Variants in NAV1 observed in about 807,000 individuals in gnomAD.
NAV1 encodes pore membrane and/or filament interacting like protein 3.
In NAV1, 18 loss-of-function variants were observed where a neutral mutation model predicts 175.2. The observed-to-expected ratio is 0.10, with a 90% CI of 0.07 to 0.15. The LOEUF is 0.15. Ranked by LOEUF, NAV1 falls within the 10% of genes least tolerant of loss-of-function variation. The pLI is 1.00. For synonymous variants in NAV1, 897 were observed against 978.7 expected, an observed-to-expected ratio of 0.92 and a Z score of 1.56; for missense variants, 1,731 against 2,436.6, an observed-to-expected ratio of 0.71 and a Z score of 6.10.
In NAV1 at chr1:201,782,911, T is replaced by C; in HGVS notation, c.2357+42T>C. The C allele has an allele frequency of 2.7e-6, 4 of 1,509,124 alleles. No homozygotes were observed. Among genetic ancestry groups the C allele is most frequent in the Non-Finnish European group, 3.6e-6 (4 of 1,121,108 alleles). 93.5% of individuals were successfully genotyped at this position (1,509,124 alleles called of 1,614,324 possible). A position where few individuals can be genotyped will look rare whatever the true frequency, so the allele number is the denominator to read the frequency against. On this transcript the variant is annotated intron_variant, in intron 6 of 29. Coordinates refer to ENST00000367296, the Ensembl canonical transcript of NAV1. This position sits in a 1 kb window ranked among gnomAD's most constrained non-coding sequence, Gnocchi z 5.4. ...GCCGCCTCCTTGTCTGTTTGCTTTG[T>C]CATTCTTTCGCATATCTCTGCCCTC... is the stretch of plus-strand genomic sequence containing the variant.
At chr1:201,649,367 C>T in exon 1 of NAV1, 1 of 1,606,826 alleles carries the variant, frequency 6.2e-7, no homozygotes, top group Non-Finnish European at 8.5e-7. Context: ...AGGTGGACCC[C>T]GAGCTGGTGG....
intron 1 of NAV1, among the ~76,000 whole-genome samples, chr1:201,554,993 G>T (rs766751462): frequency 6.6e-6 from 1 of 152,050 alleles, no homozygotes; most frequent in Admixed American, 6.6e-5. Context: ...TGCCTTCACC[G>T]CTGCATGGCC....
At position 201,542,211 on chromosome 1, in the gene NAV1, A is replaced by G. The variant is rs115886339; in HGVS notation, c.-144+2869A>G. ...CATTCCCTTTCAGCAAATCACTGGG[A>G]ATTTTTATCTTCCTAGCGTTTCCAT... On this transcript the variant is annotated intron_variant, in intron 1 of 33. Transcript: ENST00000685211. 2.0e-3 allele frequency among the ~76,000 whole-genome samples: 300 copies of G among 152,252 alleles called. 1 individual carries two copies. Among genetic ancestry groups the G allele is most frequent in the African/African-American group, 6.5e-3 (272 of 41,548 alleles).
chr1:201,672,581 G>A (rs1670083826), intron 1 of NAV1, among the ~76,000 whole-genome samples: 1 of 152,142 alleles, frequency 6.6e-6, no homozygotes, highest in Non-Finnish European at 1.5e-5. Context: ...CATTTTATGG[G>A]CCAGGAACCT....
chr1:201,785,966 T>C (rs1676717372), intron 8 of NAV1, among the ~76,000 whole-genome samples: 1 of 152,000 alleles, frequency 6.6e-6, no homozygotes, highest in Non-Finnish European at 1.5e-5. Flanking sequence ...CTAAATTTTG[T>C]ATTTTTAGTA....
At chr1:201,577,688 C>G (rs889808379) in intron 1 of NAV1, among the ~76,000 whole-genome samples, 5 of 152,124 alleles carry the variant, frequency 3.3e-5, no homozygotes, top group Admixed American at 6.6e-5. Flanking sequence ...CTTCTGGCAA[C>G]AAAGTCTCTT....
intron 1 of NAV1, among the ~76,000 whole-genome samples, chr1:201,654,235 C>T (rs569444247): frequency 6.6e-6 from 1 of 152,318 alleles, no homozygotes; most frequent in African/African-American, 2.4e-5. Flanking sequence ...ACTGATGGCT[C>T]TAACCCCAGG....
intron 1 of NAV1, among the ~76,000 whole-genome samples, chr1:201,658,509 T>C (rs143796205): frequency 2.0e-5 from 3 of 152,078 alleles, no homozygotes; most frequent in Non-Finnish European, 4.4e-5. Context: ...ACTGTGGGCT[T>C]AATGGCAGGT....
At chr1:201,707,292 A>G (rs1036956731) in intron 1 of NAV1, among the ~76,000 whole-genome samples, 1 of 152,164 alleles carries the variant, frequency 6.6e-6, no homozygotes, top group African/African-American at 2.4e-5. Flanking sequence ...CCGAGGGTGC[A>G]CCCGTTGTTC....
chr1:201,695,326 T>A (rs1671145366), intron 1 of NAV1, among the ~76,000 whole-genome samples: 1 of 152,176 alleles, frequency 6.6e-6, no homozygotes, highest in Non-Finnish European at 1.5e-5. Flanking sequence ...CTTTGCCCTG[T>A]GTATAGTTCC....
intron 3 of NAV1, among the ~76,000 whole-genome samples, chr1:201,742,648 G>A (rs553250259): frequency 3.0e-4 from 45 of 152,184 alleles, no homozygotes; most frequent in African/African-American, 1.0e-3. Flanking sequence ...CTAGAGCCTG[G>A]GGATCAGTGG....
At chr1:201,725,342 C>G (rs1672558951) in intron 3 of NAV1, among the ~76,000 whole-genome samples, 1 of 152,160 alleles carries the variant, frequency 6.6e-6, no homozygotes. Flanking sequence ...CTAGTTTTTG[C>G]TCATGGAACC....
rs1671479518 is a variant in NAV1 at position 201,702,676 on chromosome 1, CTCTCTCTCTCTCTCTCTCTCTCTCT to C, written c.758-10140_758-10116del. Among the ~76,000 whole-genome samples the C allele has an allele frequency of 8.0e-5, 10 of 125,746 alleles. No individual in the cohort carries two copies. The East Asian group carries it at 2.0e-3, about 25-fold the overall frequency. 82.5% of individuals were successfully genotyped at this position (125,746 alleles called of 152,430 possible). ...GGGTGAATTTTGGTATGTGAATTCT[CTCTCTCTCTCTCTCTCTCTCTCTCT>C]CTCTCTCTCTCTCTCTCTCTCTCTC... On this transcript the variant is annotated intron_variant, in intron 1 of 29. Coordinates refer to ENST00000367296, the Ensembl canonical transcript of NAV1.
intron 1 of NAV1, among the ~76,000 whole-genome samples, chr1:201,564,310 C>T (rs1017031843): frequency 6.6e-6 from 1 of 152,092 alleles, no homozygotes; most frequent in Non-Finnish European, 1.5e-5. Flanking sequence ...CCTTTAGCGT[C>T]CTTACCTATT....
intron 1 of NAV1, 127 bp downstream of exon 3, chr1:201,623,733 A>G: frequency 3.3e-6 from 3 of 922,010 alleles, no homozygotes; most frequent in Non-Finnish European, 3.9e-6. Flanking sequence ...AGGCGATACA[A>G]AAAGAAGTTA....
At chr1:201,724,824 GC>G (rs1571908506) in intron 3 of NAV1, 1 of 152,680 alleles carries the variant, frequency 6.5e-6, no homozygotes, top group South Asian at 2.1e-4. Flanking sequence ...TCTCTTCACC[GC>G]CCCTTCCTCC....
intron 2 of NAV1, among the ~76,000 whole-genome samples, chr1:201,715,979 A>G (rs1672125541): frequency 6.6e-6 from 1 of 152,164 alleles, no homozygotes; most frequent in African/African-American, 2.4e-5. Flanking sequence ...ACCAAGCTTA[A>G]GTCTAGAGAT....
chr1:201,660,447 C>T (rs928111646), intron 1 of NAV1, among the ~76,000 whole-genome samples: 2 of 152,174 alleles, frequency 1.3e-5, no homozygotes, highest in African/African-American at 4.8e-5. Flanking sequence ...CCCTACTTGG[C>T]ACCCCAGGAC....
At chr1:201,805,024 A>G (rs531493084) in intron 17 of NAV1, among the ~76,000 whole-genome samples, 2 of 152,280 alleles carry the variant, frequency 1.3e-5, no homozygotes, top group South Asian at 4.1e-4. Flanking sequence ...GTCACCCCAA[A>G]GCCTAAAACT....
Sources: gnomAD v4.1 joint callset for allele counts (sites outside exome capture counted in the v4.1 genomes callset) on GRCh38, gnomAD v4.1.1 for gene constraint, Gnocchi (gnomAD v3.1) non-coding constraint, MANE v1.5 for transcripts, NCBI Gene and HGNC (gene_info 2026-07-23, HGNC 2026-07-21) for gene names.